Variants in DAAM2 observed in about 807,000 individuals in gnomAD.
The protein encoded by DAAM2 is disheveled-associated activator of morphogenesis 2.
DAAM2 carries 39 observed loss-of-function variants against 120.7 expected under a neutral mutation model. The observed-to-expected ratio is 0.32, with a 90% CI of 0.25 to 0.42. The LOEUF (loss-of-function observed/expected upper bound fraction) is 0.42, where lower values mean the gene tolerates loss of function less well. Among genes scored for constraint, DAAM2 ranks in the 10% least tolerant of loss-of-function variants. DAAM2 has a pLI of 1.00. For synonymous variants in DAAM2, 488 were observed against 524.9 expected, an observed-to-expected ratio of 0.93 and a Z score of 0.96; for missense variants, 1,283 against 1,401.7, an observed-to-expected ratio of 0.92 and a Z score of 1.35.
chr6:39,867,471 A>G, intron 5 of DAAM2, 39 bp from the exon 6 acceptor site: 1 of 1,592,266 alleles, frequency 6.3e-7, no homozygotes, highest in East Asian at 2.2e-5. Flanking sequence ...ACACAGAATC[A>G]TATGCAAATA....
chr6:39,804,477 T>A (rs1761952487), intron 1 of DAAM2, among the ~76,000 whole-genome samples: 1 of 152,180 alleles, frequency 6.6e-6, no homozygotes, highest in Non-Finnish European at 1.5e-5. Flanking sequence ...TTCCTTTTTT[T>A]CTGAGCTGAC....
intron 1 of DAAM2, among the ~76,000 whole-genome samples, chr6:39,796,619 CAAAAAA>C (rs58885455): frequency 0.025 from 2,707 of 109,634 alleles, 96 homozygotes; most frequent in African/African-American, 0.08. Flanking sequence ...GGTCCCCCTC[CAAAAAA>C]AAAAAAAAAA....
chr6:39,853,458 A>G (rs1763887541), intron 1 of DAAM2, among the ~76,000 whole-genome samples: 1 of 152,126 alleles, frequency 6.6e-6, no homozygotes, highest in Non-Finnish European at 1.5e-5. Flanking sequence ...GTCTGTGTCT[A>G]CTTCTCCTCT....
chr6:39,892,562 A>G (rs1000802494), intron 19 of DAAM2, among the ~76,000 whole-genome samples: 2 of 152,130 alleles, frequency 1.3e-5, no homozygotes, highest in African/African-American at 4.8e-5. Flanking sequence ...GACGGTGGGC[A>G]GAGACATGTG....
intron 1 of DAAM2, among the ~76,000 whole-genome samples, chr6:39,851,348 C>T (rs898714517): frequency 8.5e-5 from 13 of 152,194 alleles, no homozygotes; most frequent in African/African-American, 2.4e-4. Flanking sequence ...CACTCTGAAC[C>T]ACAGTTTTTG....
chr6:39,868,829 C>A lies in DAAM2; in HGVS notation c.769C>A (p.Leu257Met). 3.8e-6 allele frequency: 6 copies of A among 1,576,458 alleles called. No individual in the cohort carries two copies. The highest frequency in any genetic ancestry group is 4.3e-6 in the Non-Finnish European group (5 of 1,160,964). Residue 257 changes from leucine (L) to methionine (M), a missense_variant, in exon 7 of 25, where the codon CTG becomes ATG. By Grantham distance (15) the Leu-to-Met change is conservative. Around this residue, in one of 3 missense-constraint regions of DAAM2, gnomAD observed 338 missense variants for 443.9 expected, o/e 0.76. Coordinates refer to ENST00000274867, the MANE Select transcript of DAAM2 (RefSeq NM_001201427.2). ...GTCCTGCATTTCCACCTAGACCCTG[C>A]TGAACGAGCTAGACCGAAGTCTGGG... ...AAERTRFQTLLNELDRSLGRY... is the reference protein window; with the variant it reads ...AAERTRFQTLMNELDRSLGRY...
chr6:39,869,761 T>C (rs919503933), intron 7 of DAAM2, among the ~76,000 whole-genome samples: 13 of 130,120 alleles, frequency 1.0e-4, no homozygotes, highest in Non-Finnish European at 2.1e-4. Flanking sequence ...TACTTTTTTT[T>C]TTTTTTTTTT....
In DAAM2 at chr6:39,902,345, G is replaced by A. The variant is rs2149386250; in HGVS notation, c.*308G>A. On this transcript the variant is annotated 3_prime_UTR_variant, in exon 25 of 25. Coordinates refer to ENST00000274867, the MANE Select transcript of DAAM2 (RefSeq NM_001201427.2). ...GCCCTGCTCCCCATCCCCTACCATG[G>A]GCACCCATGTGCTGGCACAGAACAG... 3.7e-6 allele frequency: 1 copy of A among 267,686 alleles called. No individual in the cohort carries two copies. The highest frequency in any genetic ancestry group is 7.1e-5 in the East Asian group (1 of 14,026). The allele number at this position is 267,686 out of a possible 1,614,324, so 16.6% of individuals were successfully genotyped here.
chr6:39,876,611 T>G (rs1246299174), intron 11 of DAAM2, among the ~76,000 whole-genome samples: 1 of 152,064 alleles, frequency 6.6e-6, no homozygotes, highest in Non-Finnish European at 1.5e-5. Flanking sequence ...AATCTACAAC[T>G]AGGAGGACTA....
intron 1 of DAAM2, among the ~76,000 whole-genome samples, chr6:39,830,808 T>A (rs959288301): frequency 2.6e-5 from 4 of 152,186 alleles, no homozygotes; most frequent in African/African-American, 9.6e-5. Context: ...CCTCTGACAT[T>A]TAGCCTCCAC....
intron 2 of DAAM2, among the ~76,000 whole-genome samples, chr6:39,859,188 G>A (rs1307813923): frequency 6.6e-6 from 1 of 152,232 alleles, no homozygotes; most frequent in African/African-American, 2.4e-5. Context: ...GGCTGACACT[G>A]TGCCCTAGGA....
chr6:39,817,127 T>G (rs1762332951), intron 1 of DAAM2, among the ~76,000 whole-genome samples: 2 of 152,172 alleles, frequency 1.3e-5, no homozygotes, highest in Non-Finnish European at 2.9e-5. Flanking sequence ...GGCTGGATTC[T>G]GGGTTAAGAC....
chr6:39,829,574 T>G (rs1173940669), intron 1 of DAAM2, among the ~76,000 whole-genome samples: 1 of 152,162 alleles, frequency 6.6e-6, no homozygotes, highest in Admixed American at 6.5e-5. Context: ...AAGAGGAAAT[T>G]GGGCAATAGA....
chr6:39,806,731 G>T (rs540340421), intron 1 of DAAM2, among the ~76,000 whole-genome samples: 1 of 150,172 alleles, frequency 6.7e-6, no homozygotes, highest in South Asian at 2.1e-4. Context: ...ACATTAAAAT[G>T]ATGCCATAGA....
chr6:39,855,763 T>C (rs1763974189), intron 1 of DAAM2, among the ~76,000 whole-genome samples: 1 of 152,234 alleles, frequency 6.6e-6, no homozygotes, highest in Non-Finnish European at 1.5e-5. Flanking sequence ...CAGTGTTTCC[T>C]CTGCCAGCCT....
At chr6:39,821,301 A>T (rs897164533) in intron 1 of DAAM2, 3 of 152,252 alleles carry the variant, frequency 2.0e-5, no homozygotes, top group East Asian at 1.9e-4. Flanking sequence ...CACTGCTTCA[A>T]ATCAAGCACA....
chr6:39,866,649 AAAT>A (rs1441095636), intron 5 of DAAM2, among the ~76,000 whole-genome samples: 1 of 152,262 alleles, frequency 6.6e-6, no homozygotes, highest in Non-Finnish European at 1.5e-5. Flanking sequence ...ATACAGCTAC[AAAT>A]AATAAAAATG....
chr6:39,864,529 GC>G, intron 4 of DAAM2, 22 bp downstream of exon 4: 1 of 1,592,860 alleles, frequency 6.3e-7, no homozygotes. Flanking sequence ...CCCCTCTCCT[GC>G]CCTGCCCCCA....
At chr6:39,879,769 T>C in intron 14 of DAAM2, 1 of 524,010 alleles carries the variant, frequency 1.9e-6, no homozygotes, top group Non-Finnish European at 3.5e-6. Context: ...AGACAAACAC[T>C]GAGTAGAATT....
Sources: gnomAD v4.1 joint callset for allele counts (sites outside exome capture counted in the v4.1 genomes callset) on GRCh38, gnomAD v4.1.1 for gene constraint, gnomAD v4.1.1 regional missense constraint, MANE v1.5 for transcripts, NCBI Gene and HGNC (gene_info 2026-07-23, HGNC 2026-07-21) for gene names.